RAB3C: variants seen among roughly 807,000 people sequenced by gnomAD.
RAB3C encodes RAB3C, member RAS oncogene family, also known as ras-related protein Rab-3C.
A neutral mutation model predicts 26.4 loss-of-function variants in RAB3C; 17 were observed. That is an observed-to-expected ratio of 0.64 (90% CI 0.44 to 0.97). The LOEUF is 0.97. Ranked by LOEUF, RAB3C falls within the 50% of genes least tolerant of loss-of-function variation. The pLI, the probability that RAB3C is intolerant of heterozygous loss-of-function variation, is 0.00. For missense variants in RAB3C, 242 were observed against 281.9 expected, an observed-to-expected ratio of 0.86 and a Z score of 1.01; for synonymous variants, 91 against 95.9, an observed-to-expected ratio of 0.95 and a Z score of 0.30.
intron 1 of RAB3C, among the ~76,000 whole-genome samples, chr5:58,591,048 G>A (rs6894735): frequency 0.64 from 96,985 of 151,896 alleles, 31,496 homozygotes; most frequent in Non-Finnish European, 0.7. Context: ...CAAATACTTG[G>A]GTATTTTTAC....
At chr5:58,582,969 C>G (rs757571040), upstream of RAB3C, 1 of 1,144,864 alleles carries the variant, frequency 8.7e-7, no homozygotes, top group Non-Finnish European at 1.2e-6. Context: ...TGTAGTTCAC[C>G]GCTCGCCCGT....
intron 2 of RAB3C, among the ~76,000 whole-genome samples, chr5:58,662,070 TTTAA>T (rs1176677408): frequency 1.3e-5 from 2 of 149,952 alleles, no homozygotes; most frequent in Non-Finnish European, 2.9e-5. Context: ...GGAGGTCCTT[TTTAA>T]TTTAGTCTTT....
intron 2 of RAB3C, among the ~76,000 whole-genome samples, chr5:58,699,656 T>C (rs1466511864): frequency 1.3e-5 from 2 of 152,200 alleles, no homozygotes; most frequent in Non-Finnish European, 2.9e-5. Flanking sequence ...GTTTACCTAC[T>C]CAAGCCTCAG....
chr5:58,740,313 T>C (rs11750857), intron 3 of RAB3C, among the ~76,000 whole-genome samples: 19,304 of 152,222 alleles, frequency 0.13, 1,581 homozygotes, highest in Non-Finnish European at 0.18. Flanking sequence ...GTTTTATTTA[T>C]GGAGTGACTT....
At chr5:58,775,099 G>T (rs1226675594) in intron 3 of RAB3C, among the ~76,000 whole-genome samples, 1 of 152,122 alleles carries the variant, frequency 6.6e-6, no homozygotes, top group African/African-American at 2.4e-5. Context: ...GTTAGGAAGT[G>T]ATTGCAATCA....
At chr5:58,589,215 G>A (rs1746076716) in intron 1 of RAB3C, among the ~76,000 whole-genome samples, 1 of 151,932 alleles carries the variant, frequency 6.6e-6, no homozygotes, top group Admixed American at 6.6e-5. Flanking sequence ...TATTTTGTTG[G>A]ATTTCATGGA....
chr5:58,720,072 A>G (rs973810642), intron 2 of RAB3C, among the ~76,000 whole-genome samples: 8 of 151,936 alleles, frequency 5.3e-5, no homozygotes, highest in African/African-American at 1.9e-4. Flanking sequence ...GCAGAAACTG[A>G]ATTGAGGGAC....
At chr5:58,800,714 C>A (rs1157288094) in intron 3 of RAB3C, among the ~76,000 whole-genome samples, 1 of 152,140 alleles carries the variant, frequency 6.6e-6, no homozygotes, top group Non-Finnish European at 1.5e-5. Context: ...GAATGGAATT[C>A]TTTGGCAAAC....
chr5:58,799,505 A>G (rs1166473395), intron 3 of RAB3C, among the ~76,000 whole-genome samples: 1 of 152,184 alleles, frequency 6.6e-6, no homozygotes, highest in African/African-American at 2.4e-5. Flanking sequence ...CCTTCAATAC[A>G]TTTTGGCCTT....
intron 2 of RAB3C, among the ~76,000 whole-genome samples, chr5:58,625,511 A>G (rs558322263): frequency 1.1e-4 from 17 of 152,214 alleles, no homozygotes; most frequent in African/African-American, 4.1e-4. Context: ...AGTCAGCCCA[A>G]TTCCTACAGG....
chr5:58,793,740 G>A (rs925165032), intron 3 of RAB3C, among the ~76,000 whole-genome samples: 1 of 152,052 alleles, frequency 6.6e-6, no homozygotes, highest in Non-Finnish European at 1.5e-5. Context: ...TCTGGGATGA[G>A]GACCAAGAAT....
chr5:58,740,864 T>G (rs1205564933), intron 3 of RAB3C, among the ~76,000 whole-genome samples: 1 of 151,944 alleles, frequency 6.6e-6, no homozygotes, highest in Non-Finnish European at 1.5e-5. Flanking sequence ...ATCAAATATG[T>G]GTCTACTCAA....
At chr5:58,608,769 C>G (rs1422745373) in intron 1 of RAB3C, among the ~76,000 whole-genome samples, 3 of 152,134 alleles carry the variant, frequency 2.0e-5, no homozygotes, top group Non-Finnish European at 4.4e-5. Context: ...TTCACAATAG[C>G]AAAGACTTGG....
chr5:58,622,480 C>A (rs1247551542), intron 2 of RAB3C, among the ~76,000 whole-genome samples: 1 of 151,972 alleles, frequency 6.6e-6, no homozygotes, highest in Admixed American at 6.6e-5. Flanking sequence ...GTTCTTGGGG[C>A]CTCAGGGGCA....
chr5:58,828,785 T>C (rs967222345), intron 4 of RAB3C, among the ~76,000 whole-genome samples: 2 of 152,216 alleles, frequency 1.3e-5, no homozygotes, highest in Non-Finnish European at 2.9e-5. Flanking sequence ...TTGTGACTTT[T>C]ATACGACTAA....
intron 1 of RAB3C, among the ~76,000 whole-genome samples, chr5:58,596,689 A>C (rs1746272598): frequency 1.9e-5 from 1 of 51,892 alleles, no homozygotes; most frequent in Non-Finnish European, 3.9e-5. Flanking sequence ...ATAATATATA[A>C]TACATAATAT....
intron 3 of RAB3C, among the ~76,000 whole-genome samples, chr5:58,762,950 G>A (rs1162933860): frequency 6.6e-6 from 1 of 152,150 alleles, no homozygotes; most frequent in Non-Finnish European, 1.5e-5. Context: ...AGAGAACTAG[G>A]TAGCTGTTAT....
chr5:58,854,867 A>T lies in RAB3C; in HGVS notation c.*3516A>T, dbSNP rs1744225459. 1 of 151,614 alleles carries T rather than the reference A, an allele frequency of 6.6e-6. No homozygotes were observed. The highest frequency in any genetic ancestry group is 2.4e-5 in the African/African-American group (1 of 41,406). 9.4% of individuals were successfully genotyped at this position (151,614 alleles called of 1,614,324 possible). ...ACAAATATATATATTTCACCTACTT[A>T]AATCTTATTCATATTAATTATAGGC... is the stretch of plus-strand genomic sequence containing the variant. On this transcript the variant is annotated 3_prime_UTR_variant, in exon 5 of 5. Coordinates refer to ENST00000282878, the MANE Select transcript of RAB3C (RefSeq NM_138453.4).
At chr5:58,787,940 C>G (rs1212818835) in intron 3 of RAB3C, among the ~76,000 whole-genome samples, 1 of 152,174 alleles carries the variant, frequency 6.6e-6, no homozygotes, top group Non-Finnish European at 1.5e-5. Context: ...GACATCAAGA[C>G]TTTTCTTTTT....
Sources: allele counts gnomAD v4.1 joint callset (sites outside exome capture counted in the v4.1 genomes callset), GRCh38; gene constraint gnomAD v4.1.1; transcripts MANE v1.5; gene names NCBI Gene and HGNC (gene_info 2026-07-23, HGNC 2026-07-21).